The following ARHGAP35 variants were observed in gnomAD, a reference collection of about 807,000 sequenced individuals.
ARHGAP35 encodes rho GTPase-activating protein 35.
In ARHGAP35, 15 loss-of-function variants were observed where a neutral mutation model predicts 111.1. The observed-to-expected ratio is 0.13, with a 90% CI of 0.09 to 0.21. The LOEUF is 0.21. Ranked by LOEUF, ARHGAP35 falls within the 10% of genes least tolerant of loss-of-function variation. ARHGAP35 has a pLI of 1.00. For missense variants in ARHGAP35, 1,262 were observed against 1,873.0 expected (o/e 0.67, Z 6.02); for synonymous variants, 643 against 710.3 (o/e 0.91, Z 1.51).
In ARHGAP35 at chr19:46,986,702, TAAG is replaced by T. The variant is rs1163602268; in HGVS notation, c.3827-1284_3827-1282del. ...TTCATAGACTTTCTCAAGTTCAAAA[TAAG>T]AACACTAGGAAAATTAACAAGAACA... On this transcript the variant is annotated intron_variant, in intron 3 of 6. Coordinates refer to ENST00000672722, the MANE Select transcript of ARHGAP35 (RefSeq NM_004491.5). The surrounding 1 kb of genome is among the most constrained non-coding windows in gnomAD (Gnocchi z 4.3). Among the ~76,000 whole-genome samples the T allele has an allele frequency of 6.6e-6, 1 of 152,190 alleles. No homozygotes were observed. Among genetic ancestry groups the T allele is most frequent in the African/African-American group, 2.4e-5 (1 of 41,442 alleles).
At chr19:46,862,801 T>TC (rs1296129221) in intron 1 of ARHGAP35, among the ~76,000 whole-genome samples, 1 of 152,016 alleles carries the variant, frequency 6.6e-6, no homozygotes, top group Non-Finnish European at 1.5e-5. Context: ...GACAGTCTCT[T>TC]CCCCCCACCA....
At chr19:46,903,242 A>G (rs945672339) in intron 1 of ARHGAP35, among the ~76,000 whole-genome samples, 10 of 152,210 alleles carry the variant, frequency 6.6e-5, no homozygotes, top group African/African-American at 2.4e-4. Context: ...GCACACAGTA[A>G]TCATATTAGC....
chr19:46,922,060 G>A lies in ARHGAP35; in HGVS notation c.3385G>A (p.Gly1129Ser), dbSNP rs1012882980. ...IRNINKAQSN[G>S]SGNGSDSEMD... Reference sequence around the variant, plus strand: ...GAATATCAACAAAGCCCAGTCCAACGGCAGCGGGAATGGTTCTGACAGTGA... The same window carrying A: ...GAATATCAACAAAGCCCAGTCCAACAGCAGCGGGAATGGTTCTGACAGTGA... Residue 1129 changes from glycine (G) to serine (S), a missense_variant, in exon 2 of 7, where the codon GGC becomes AGC. Physicochemically the swap from Gly to Ser is moderately conservative, Grantham distance 56. This residue lies in a region of ARHGAP35 where 579 missense variants were observed against 716.9 expected (regional missense o/e 0.81). Transcript: ENST00000672722. The surrounding 1 kb of genome is among the most constrained non-coding windows in gnomAD (Gnocchi z 4.0). The A allele has an allele frequency of 5.6e-6, 9 of 1,613,894 alleles. No individual in the cohort carries two copies. Among genetic ancestry groups the A allele is most frequent in the Admixed American group, 1.7e-5 (1 of 59,998 alleles).
At chr19:46,862,414 G>A (rs924605894) in intron 1 of ARHGAP35, among the ~76,000 whole-genome samples, 7 of 151,856 alleles carry the variant, frequency 4.6e-5, no homozygotes, top group African/African-American at 1.7e-4. Flanking sequence ...CCTGAAAACT[G>A]CTTCCTGTCC....
Position 46,992,692 on chromosome 19 carries a change from A to G in ARHGAP35, c.4036+3017A>G, listed in dbSNP as rs886260878. 6.6e-6 allele frequency among the ~76,000 whole-genome samples: 1 copy of G among 152,188 alleles called. No individual in the cohort carries two copies. Among genetic ancestry groups the G allele is most frequent in the African/African-American group, 2.4e-5 (1 of 41,444 alleles). ...AAGGACCTGTGGCTCCAGGGTCCGC[A>G]TTAACTCCCTGTAATAGCTCACAAA... On this transcript the variant is annotated intron_variant, in intron 5 of 6. Coordinates refer to ENST00000672722, the MANE Select transcript of ARHGAP35 (RefSeq NM_004491.5). This position sits in a 1 kb window ranked among gnomAD's most constrained non-coding sequence, Gnocchi z 4.4.
intron 1 of ARHGAP35, among the ~76,000 whole-genome samples, chr19:46,911,006 C>T (rs1008788790): frequency 6.6e-5 from 10 of 152,118 alleles, no homozygotes; most frequent in African/African-American, 2.2e-4. Context: ...GCGCCCTGCT[C>T]GATTATTTTC....
chr19:46,906,602 A>G (rs1174095363), intron 1 of ARHGAP35, among the ~76,000 whole-genome samples: 1 of 152,196 alleles, frequency 6.6e-6, no homozygotes, highest in Admixed American at 6.5e-5. Flanking sequence ...CAAGTCCAGA[A>G]ATAGAACAGA....
intron 1 of ARHGAP35, among the ~76,000 whole-genome samples, chr19:46,874,803 T>G (rs1347767484): frequency 7.7e-6 from 1 of 129,292 alleles, no homozygotes; most frequent in Non-Finnish European, 1.6e-5. Context: ...CGCCCGGCAG[T>G]TTTGTCCTTT....
chr19:46,940,353 G>A (rs1303565020), intron 3 of ARHGAP35, among the ~76,000 whole-genome samples: 5 of 115,692 alleles, frequency 4.3e-5, no homozygotes, highest in Admixed American at 2.6e-4. Context: ...GAGCAAAACT[G>A]TGTCTCAAAA....
chr19:46,885,896 A>G lies in ARHGAP35; in HGVS notation c.-189+24687A>G, dbSNP rs546308517. On this transcript the variant is annotated intron_variant, in intron 1 of 6. Transcript: ENST00000672722. ...ATCCTCCCGCCTCAGGCTCCTGAGT[A>G]GCTGGGGCTACAAGTGTGTGCCACT... Among the ~76,000 whole-genome samples, 8 of 152,292 alleles carry G rather than the reference A, an allele frequency of 5.3e-5. No individual in the cohort carries two copies. In the East Asian group the frequency reaches 1.5e-3, roughly 29 times the overall value.
At chr19:46,979,411 A>C (rs1221900803) in intron 3 of ARHGAP35, among the ~76,000 whole-genome samples, 1 of 152,186 alleles carries the variant, frequency 6.6e-6, no homozygotes, top group Non-Finnish European at 1.5e-5. Flanking sequence ...TTCCTCCAGA[A>C]TGGGCAGGGT....
At position 46,995,125 on chromosome 19, in the gene ARHGAP35, G is replaced by A. The variant is rs560886919; in HGVS notation, c.4037-4179G>A. On this transcript the variant is annotated intron_variant, in intron 5 of 6. Coordinates refer to ENST00000672722, the MANE Select transcript of ARHGAP35 (RefSeq NM_004491.5). ...GAGGGTGGGTATAGAAAAAAGGCTG[G>A]GTACAGTGTGACTGGGTACAGTGGC... Among the ~76,000 whole-genome samples the A allele has an allele frequency of 6.6e-5, 10 of 152,194 alleles. No individual in the cohort carries two copies. In the East Asian group the frequency reaches 1.9e-3, roughly 29 times the overall value.
At position 46,994,560 on chromosome 19, in the gene ARHGAP35, AG is replaced by A. The variant is rs1018448533; in HGVS notation, c.4037-4743del. Among the ~76,000 whole-genome samples, 6 of 152,132 alleles carry A rather than the reference AG, an allele frequency of 3.9e-5. No individual in the cohort carries two copies. The highest frequency in any genetic ancestry group is 1.4e-4 in the African/African-American group (6 of 41,426). ...GTCAGCACCGTGCTCAGCAAGTAGC[AG>A]CCAGCCAGAGGCGCCGTGAACTCGC... On this transcript the variant is annotated intron_variant, in intron 5 of 6. Coordinates refer to ENST00000672722, the MANE Select transcript of ARHGAP35 (RefSeq NM_004491.5). The surrounding 1 kb of genome is among the most constrained non-coding windows in gnomAD (Gnocchi z 5.4).
chr19:46,970,153 C>T (rs2056537493), intron 3 of ARHGAP35, among the ~76,000 whole-genome samples: 1 of 152,204 alleles, frequency 6.6e-6, no homozygotes, highest in Admixed American at 6.5e-5. Context: ...ATTCTTGGGG[C>T]TTGATCACTT....
At position 47,001,182 on chromosome 19, in the gene ARHGAP35, CGGCCTCCTTGGGAACGTGTA is replaced by C. The variant is rs938197465; in HGVS notation, c.*499_*518del. 8.0e-7 allele frequency: 1 copy of C among 1,242,332 alleles called. No individual in the cohort carries two copies. The highest frequency in any genetic ancestry group is 1.0e-6 in the Non-Finnish European group (1 of 967,754). The allele number at this position is 1,242,332 out of a possible 1,614,324, so 77.0% of individuals were successfully genotyped here. A position where few individuals can be genotyped will look rare whatever the true frequency, so the allele number is the denominator to read the frequency against. Reference sequence around the variant, plus strand: ...CAAGGTAAGGGTACAGCCCGGCTGGCGGCCTCCTTGGGAACGTGTAGGCCACGGCTCTGCCACCACTAGGT... The same window carrying C: ...CAAGGTAAGGGTACAGCCCGGCTGGCGGCCACGGCTCTGCCACCACTAGGT... On this transcript the variant is annotated 3_prime_UTR_variant, in exon 7 of 7. Transcript: ENST00000672722. The surrounding 1 kb of genome is among the most constrained non-coding windows in gnomAD (Gnocchi z 5.4).
At chr19:46,949,632 G>A (rs1375019254) in intron 3 of ARHGAP35, among the ~76,000 whole-genome samples, 1 of 152,290 alleles carries the variant, frequency 6.6e-6, no homozygotes, top group South Asian at 2.1e-4. Flanking sequence ...ATGAAACTTG[G>A]AGTCACAGCT....
intron 1 of ARHGAP35, among the ~76,000 whole-genome samples, chr19:46,910,716 G>A (rs569191514): frequency 2.6e-5 from 4 of 151,942 alleles, no homozygotes; most frequent in Non-Finnish European, 4.4e-5. Flanking sequence ...CAGCCTCCCC[G>A]GTAGCTGGGA....
chr19:46,897,695 C>CAA (rs11434545), intron 1 of ARHGAP35, among the ~76,000 whole-genome samples: 2,146 of 133,658 alleles, frequency 0.016, 41 homozygotes, highest in African/African-American at 0.042. Context: ...GATCTTTAAC[C>CAA]AAAAAAAAAA....
At chr19:46,864,132 T>C (rs2055843343) in intron 1 of ARHGAP35, among the ~76,000 whole-genome samples, 2 of 152,228 alleles carry the variant, frequency 1.3e-5, no homozygotes, top group African/African-American at 2.4e-5. Context: ...GTGACCTGAT[T>C]GGGTAGAGTT....
Sources: gnomAD v4.1 joint callset for allele counts (sites outside exome capture counted in the v4.1 genomes callset) on GRCh38, gnomAD v4.1.1 for gene constraint, gnomAD v4.1.1 regional missense constraint, Gnocchi (gnomAD v3.1) non-coding constraint, MANE v1.5 for transcripts, NCBI Gene and HGNC (gene_info 2026-07-23, HGNC 2026-07-21) for gene names.